PDE1A: variants seen among roughly 807,000 people sequenced by gnomAD.
PDE1A encodes phosphodiesterase 1A, also known as dual specificity calcium/calmodulin-dependent 3',5'-cyclic nucleotide phosphodiesterase 1A.
In PDE1A, 35 loss-of-function variants were observed where a neutral mutation model predicts 61.7. That is an observed-to-expected ratio of 0.57 (90% CI 0.43 to 0.75). The LOEUF (loss-of-function observed/expected upper bound fraction) is 0.75, where lower values mean the gene tolerates loss of function less well. Ranked by LOEUF, PDE1A falls within the 30% of genes least tolerant of loss-of-function variation. The pLI is 0.00. For synonymous variants in PDE1A, 232 were observed against 213.2 expected, an observed-to-expected ratio of 1.09 and a Z score of -0.77; for missense variants, 597 against 630.6, an observed-to-expected ratio of 0.95 and a Z score of 0.57.
intron 2 of PDE1A, among the ~76,000 whole-genome samples, chr2:182,441,605 G>A (rs1219563820): frequency 6.6e-6 from 1 of 151,922 alleles, no homozygotes; most frequent in Non-Finnish European, 1.5e-5. Flanking sequence ...AGCACACCTA[G>A]CACTCAAATT....
At chr2:182,324,405 T>C (rs1696911767) in intron 1 of PDE1A, among the ~76,000 whole-genome samples, 2 of 152,030 alleles carry the variant, frequency 1.3e-5, no homozygotes, top group African/African-American at 4.8e-5. Flanking sequence ...AATATGAAAA[T>C]GATGTGCATA....
chr2:182,209,542 G>A (rs116502775), intron 7 of PDE1A, among the ~76,000 whole-genome samples: 1,789 of 151,282 alleles, frequency 0.012, 31 homozygotes, highest in African/African-American at 0.041. Flanking sequence ...TTGGATCTGT[G>A]TCCCCCGCCC....
At chr2:182,147,758 T>C (rs761996658) in intron 13 of PDE1A, among the ~76,000 whole-genome samples, 5 of 152,166 alleles carry the variant, frequency 3.3e-5, no homozygotes, top group Non-Finnish European at 7.4e-5. Flanking sequence ...TCTTATTACA[T>C]AAGCAACAAA....
chr2:182,333,001 A>T (rs1282130423), intron 1 of PDE1A, among the ~76,000 whole-genome samples: 1 of 152,258 alleles, frequency 6.6e-6, no homozygotes, highest in African/African-American at 2.4e-5. Context: ...ACATAATGGT[A>T]AACGAACCAA....
rs936611193 is a variant in PDE1A at position 182,267,677 on chromosome 2, T to C, written c.54-3263A>G. 2.0e-5 allele frequency among the ~76,000 whole-genome samples: 3 copies of C among 152,176 alleles called. No homozygotes were observed. The South Asian group carries it at 6.2e-4, about 31-fold the overall frequency. On this transcript the variant is annotated intron_variant, in intron 1 of 13. Coordinates refer to ENST00000351439, the Ensembl canonical transcript of PDE1A. Reference sequence around the variant, plus strand: ...ATTTATATTATTATTACTATCCTAATTGTAATCATTTATATCATCACTATC... The same window carrying C: ...ATTTATATTATTATTACTATCCTAACTGTAATCATTTATATCATCACTATC...
the PDE1A span, among the ~76,000 whole-genome samples, chr2:182,579,019 T>G: frequency 6.6e-6 from 1 of 152,244 alleles, no homozygotes; most frequent in African/African-American, 2.4e-5. Context: ...AAAAGACACT[T>G]AGTTATCTAT....
In PDE1A at chr2:182,246,401, C is replaced by CTTTTTTTTTTTTTTTTTT. The variant is rs761118177; in HGVS notation, c.168-6110_168-6109insAAAAAAAAAAAAAAAAAA. Among the ~76,000 whole-genome samples the CTTTTTTTTTTTTTTTTTT allele has an allele frequency of 4.9e-5, 3 of 61,514 alleles. 1 individual carries two copies. Among genetic ancestry groups the CTTTTTTTTTTTTTTTTTT allele is most frequent in the African/African-American group, 2.0e-4 (2 of 10,124 alleles). 40.4% of individuals were successfully genotyped at this position (61,514 alleles called of 152,430 possible). A position where few individuals can be genotyped will look rare whatever the true frequency, so the allele number is the denominator to read the frequency against. ...TCTACTATAGTCTTTTTTCTTTTTT[C>CTTTTTTTTTTTTTTTTTT]TTTCTTTTTTTTTTTTTTTTTTGAC... On this transcript the variant is annotated intron_variant, in intron 2 of 13. Transcript: ENST00000351439.
chr2:182,471,765 C>T (rs1366809910), intron 2 of PDE1A, among the ~76,000 whole-genome samples: 1 of 151,784 alleles, frequency 6.6e-6, no homozygotes, highest in Non-Finnish European at 1.5e-5. Flanking sequence ...TCATAAGACA[C>T]TCTTCCTCTA....
chr2:182,701,579 G>A, the PDE1A span, among the ~76,000 whole-genome samples: 9 of 151,040 alleles, frequency 6.0e-5, no homozygotes, highest in South Asian at 4.2e-4. Flanking sequence ...ACGGGGTTTC[G>A]CCATGTTGGT....
chr2:182,159,521 G>A (rs1001913475), intron 13 of PDE1A, among the ~76,000 whole-genome samples: 1 of 152,158 alleles, frequency 6.6e-6, no homozygotes, highest in Non-Finnish European at 1.5e-5. Context: ...GATGGACAGC[G>A]CCATTGCATG....
intron 1 of PDE1A, among the ~76,000 whole-genome samples, chr2:182,279,017 T>C (rs773168181): frequency 6.6e-6 from 1 of 152,010 alleles, no homozygotes; most frequent in Non-Finnish European, 1.5e-5. Flanking sequence ...GAGACTTTTA[T>C]AGTTTCTTAG....
intron 2 of PDE1A, among the ~76,000 whole-genome samples, chr2:182,453,356 A>G (rs1282623393): frequency 6.6e-6 from 1 of 151,982 alleles, no homozygotes; most frequent in Non-Finnish European, 1.5e-5. Flanking sequence ...AGTCAACAAG[A>G]CAACTCCATA....
intron 1 of PDE1A, among the ~76,000 whole-genome samples, chr2:182,361,218 A>G (rs1699486613): frequency 6.6e-6 from 1 of 152,092 alleles, no homozygotes; most frequent in Admixed American, 6.6e-5. Context: ...TATTAACATG[A>G]TTATTTTTAC....
chr2:182,345,934 T>C (rs911572551), intron 1 of PDE1A, among the ~76,000 whole-genome samples: 1 of 152,212 alleles, frequency 6.6e-6, no homozygotes, highest in Non-Finnish European at 1.5e-5. Flanking sequence ...TCTCCTGCAA[T>C]GTTACCTCTG....
chr2:182,376,023 C>T (rs538163821), intron 1 of PDE1A, among the ~76,000 whole-genome samples: 29 of 152,336 alleles, frequency 1.9e-4, no homozygotes, highest in African/African-American at 6.3e-4. Context: ...ACCCTGGGCC[C>T]TGCCCATGAA....
the PDE1A span, among the ~76,000 whole-genome samples, chr2:182,656,185 A>T: frequency 6.6e-6 from 1 of 152,100 alleles, no homozygotes; most frequent in Middle Eastern, 3.2e-3. Flanking sequence ...ATACCACATT[A>T]CCCCAGGAGT....
At chr2:182,711,632 G>A in the PDE1A span, among the ~76,000 whole-genome samples, 2 of 152,014 alleles carry the variant, frequency 1.3e-5, no homozygotes, top group Non-Finnish European at 2.9e-5. Flanking sequence ...GCTTCTTAGA[G>A]AAATGGCTAG....
chr2:182,705,302 AC>A, the PDE1A span, among the ~76,000 whole-genome samples: 1 of 152,212 alleles, frequency 6.6e-6, no homozygotes, highest in African/African-American at 2.4e-5. Context: ...TACAAAGTGA[AC>A]AAAAACAATT....
chr2:182,385,348 G>A (rs1312699268), intron 1 of PDE1A, among the ~76,000 whole-genome samples: 1 of 151,840 alleles, frequency 6.6e-6, no homozygotes, highest in Non-Finnish European at 1.5e-5. Context: ...AATAATAATA[G>A]CAACAGTAAT....
Sources: gnomAD v4.1 joint callset for allele counts (sites outside exome capture counted in the v4.1 genomes callset) on GRCh38, gnomAD v4.1.1 for gene constraint, MANE v1.5 for transcripts, NCBI Gene and HGNC (gene_info 2026-07-23, HGNC 2026-07-21) for gene names.